FAAP20: variants seen among roughly 807,000 people sequenced by gnomAD.
The protein encoded by FAAP20 is FA core complex associated protein 20.
FAAP20 carries 12 observed loss-of-function variants against 16.2 expected under a neutral mutation model. The observed-to-expected ratio is 0.74, with a 90% confidence interval of 0.48 to 1.20. FAAP20 has a LOEUF of 1.20. Ranked by LOEUF, FAAP20 falls within the 50% of genes most tolerant of loss-of-function variation. FAAP20 has a pLI of 0.00. For missense variants in FAAP20, 288 were observed against 245.8 expected, an observed-to-expected ratio of 1.17 and a Z score of -1.15; for synonymous variants, 141 against 110.7, an observed-to-expected ratio of 1.27 and a Z score of -1.72.
At chr1:2,197,418 G>C (rs751533691), upstream of FAAP20, among the ~76,000 whole-genome samples, 1 of 152,236 alleles carries the variant, frequency 6.6e-6, no homozygotes, top group Non-Finnish European at 1.5e-5. Context: ...GCTGGCGCAG[G>C]CTGCTTGGGA....
chr1:2,211,148 G>A (rs573481168), downstream of FAAP20, among the ~76,000 whole-genome samples: 1 of 151,944 alleles, frequency 6.6e-6, no homozygotes, highest in Non-Finnish European at 1.5e-5. Flanking sequence ...CTGGCCATCT[G>A]TGGGCTCCTT....
chr1:2,187,992 A>T (rs952068778), downstream of FAAP20, among the ~76,000 whole-genome samples: 7 of 152,196 alleles, frequency 4.6e-5, no homozygotes, highest in Admixed American at 3.3e-4. Context: ...CTAGGGTTGG[A>T]ATCACAGTGT....
chr1:2,184,889 C>A, downstream of FAAP20: 2 of 1,578,050 alleles, frequency 1.3e-6, no homozygotes, highest in South Asian at 2.2e-5. Flanking sequence ...AACACACGGT[C>A]ACCCCCCTCC....
chr1:2,211,100 G>T (rs1423459636), downstream of FAAP20, among the ~76,000 whole-genome samples: 2 of 152,180 alleles, frequency 1.3e-5, no homozygotes, highest in African/African-American at 4.8e-5. Context: ...CACCACGGCG[G>T]GTGCCTAGCA....
At chr1:2,209,709 C>T (rs1161718481), downstream of FAAP20, among the ~76,000 whole-genome samples, 1 of 152,202 alleles carries the variant, frequency 6.6e-6, no homozygotes, top group Non-Finnish European at 1.5e-5. Flanking sequence ...GTGCTGGTGG[C>T]GTTCGGCCAC....
At chr1:2,203,581 C>T (rs1344262822), upstream of FAAP20, 18 of 985,988 alleles carry the variant, frequency 1.8e-5, no homozygotes, top group Non-Finnish European at 2.2e-5. Flanking sequence ...GGAGCTGGGG[C>T]AGGTCCCACA....
At chr1:2,185,268 GA>G (rs1687412914), downstream of FAAP20, 1 of 715,850 alleles carries the variant, frequency 1.4e-6, no homozygotes, top group Admixed American at 2.0e-5. Context: ...GGACCCTGCC[GA>G]GGGGGCTGTC....
chr1:2,211,775 G>T (rs1181779532), downstream of FAAP20, among the ~76,000 whole-genome samples: 1 of 148,994 alleles, frequency 6.7e-6, no homozygotes, highest in Admixed American at 6.7e-5. Context: ...ATTAGAGACG[G>T]GGTTTCATCA....
upstream of FAAP20, chr1:2,198,067 G>A (rs1259742974): frequency 3.1e-6 from 4 of 1,291,386 alleles, no homozygotes; most frequent in Admixed American, 4.6e-5. Context: ...TGGTGATGGT[G>A]GAGGTTTCAA....
chr1:2,206,122 C>T (rs1460796429), intron 3 of FAAP20, among the ~76,000 whole-genome samples: 2 of 152,372 alleles, frequency 1.3e-5, no homozygotes, highest in Admixed American at 6.5e-5. Context: ...GTTCACTTCC[C>T]TGTTGGTACT....
At position 2,192,805 on chromosome 1, in the gene FAAP20, G is replaced by A. The variant is rs1572110507; in HGVS notation, c.470+834C>T. 3 of 1,151,726 alleles carry A rather than the reference G, an allele frequency of 2.6e-6. No individual in the cohort carries two copies. In the Admixed American group the frequency reaches 6.9e-5, roughly 27 times the overall value. The allele number at this position is 1,151,726 out of a possible 1,614,324, so 71.3% of individuals were successfully genotyped here. A position where few individuals can be genotyped will look rare whatever the true frequency, so the allele number is the denominator to read the frequency against. On this transcript the variant is annotated intron_variant, in intron 3 of 3. Transcript: ENST00000378546. ...TGTAAAGATGGGATCTTGCCATGTTGCCCAGGCTGGTCTCAAACTCCTGGG... is the reference window on the plus strand; with the variant it reads ...TGTAAAGATGGGATCTTGCCATGTTACCCAGGCTGGTCTCAAACTCCTGGG...
chr1:2,187,344 GC>G (rs1687718639), downstream of FAAP20: 1 of 334,324 alleles, frequency 3.0e-6, no homozygotes, highest in South Asian at 2.4e-5. Flanking sequence ...TTACTCTGTA[GC>G]CCAGGCTGGA....
At chr1:2,203,638 G>A (rs1689130568), upstream of FAAP20, 1 of 986,036 alleles carries the variant, frequency 1.0e-6, no homozygotes. Flanking sequence ...GGCCTGAGCG[G>A]AGGGAAGATA....
chr1:2,191,875 G>T lies in FAAP20; in HGVS notation c.470+1764C>A, dbSNP rs371914663. ...CCATCCACCCACGTGACCCGCAGGT[G>T]TCTGAAAATGCACAAAATGTCCAAA... On this transcript the variant is annotated intron_variant, in intron 3 of 3. Transcript: ENST00000378546. 7 of 985,480 alleles carry T rather than the reference G, an allele frequency of 7.1e-6. No individual in the cohort carries two copies. The East Asian group carries it at 6.8e-4, about 96-fold the overall frequency. 61.0% of individuals were successfully genotyped at this position (985,480 alleles called of 1,614,324 possible). A position where few individuals can be genotyped will look rare whatever the true frequency, so the allele number is the denominator to read the frequency against.
At chr1:2,187,107 G>T, downstream of FAAP20, 1 of 461,100 alleles carries the variant, frequency 2.2e-6, no homozygotes, top group Non-Finnish European at 4.5e-6. Flanking sequence ...GCGTGGTGCG[G>T]GGCAACTGCC....
chr1:2,193,298 C>G (rs1688456983), intron 3 of FAAP20: 1 of 488,662 alleles, frequency 2.0e-6, no homozygotes, highest in Admixed American at 3.7e-5. Context: ...CCATGACGCA[C>G]TCTCGGGAAG....
At chr1:2,189,234 G>A (rs1687883670), downstream of FAAP20, among the ~76,000 whole-genome samples, 1 of 150,852 alleles carries the variant, frequency 6.6e-6, no homozygotes, top group African/African-American at 2.4e-5. Flanking sequence ...TCAGGAGGCT[G>A]AGGTGGGAGG....
At chr1:2,193,509 G>A in intron 3 of FAAP20, 130 bp downstream of exon 3, 1 of 1,396,076 alleles carries the variant, frequency 7.2e-7, no homozygotes, top group Non-Finnish European at 9.6e-7. Flanking sequence ...ACAGCACTGG[G>A]CCACCTTTCC....
upstream of FAAP20, among the ~76,000 whole-genome samples, chr1:2,204,297 C>T (rs1302117846): frequency 6.6e-6 from 1 of 152,278 alleles, no homozygotes; most frequent in Non-Finnish European, 1.5e-5. Flanking sequence ...GTCTGCCGTC[C>T]TGGCACATCC....
Sources: gnomAD v4.1 joint callset for allele counts (sites outside exome capture counted in the v4.1 genomes callset) on GRCh38, gnomAD v4.1.1 for gene constraint, MANE v1.5 for transcripts, NCBI Gene and HGNC (gene_info 2026-07-23, HGNC 2026-07-21) for gene names.